The following SRGAP1 variants were observed in gnomAD, a reference collection of about 807,000 sequenced individuals.
SRGAP1 encodes SLIT-ROBO Rho GTPase activating protein 1, also known as SLIT-ROBO Rho GTPase-activating protein 1.
SRGAP1 carries 43 observed loss-of-function variants against 121.9 expected under a neutral mutation model. The ratio of observed to expected loss-of-function variants is 0.35; its 90% CI spans 0.28 to 0.46. The LOEUF is 0.46. Among genes scored for constraint, SRGAP1 ranks in the 20% least tolerant of loss-of-function variants. The pLI, the probability that SRGAP1 is intolerant of heterozygous loss-of-function variation, is 1.00. For synonymous variants in SRGAP1, 447 were observed against 485.4 expected (o/e 0.92, Z 1.04); for missense variants, 1,102 against 1,350.9 (o/e 0.82, Z 2.89).
chr12:63,898,138 C>A (rs1261250566), intron 1 of SRGAP1, among the ~76,000 whole-genome samples: 1 of 152,184 alleles, frequency 6.6e-6, no homozygotes, highest in African/African-American at 2.4e-5. Flanking sequence ...TAATGTTGGT[C>A]TTTCAAAGCA....
At chr12:64,060,136 CT>C (rs971472826) in intron 6 of SRGAP1, among the ~76,000 whole-genome samples, 4 of 148,194 alleles carry the variant, frequency 2.7e-5, no homozygotes, top group Admixed American at 6.7e-5. Context: ...TCCTGCATTT[CT>C]TTTTTTTTCT....
rs1386269728 is a variant in SRGAP1 at position 63,989,932 on chromosome 12, C to G, written c.286C>G (p.Pro96Ala). 1 of 1,610,822 alleles carries G rather than the reference C, an allele frequency of 6.2e-7. No homozygotes were observed. Among genetic ancestry groups the G allele is most frequent in the East Asian group, 2.2e-5 (1 of 44,874 alleles). Reference sequence around the variant, plus strand: ...TAGGAAAGACCAGAACCTGTTGTCTCCAGTGAACTGCTGGTATTTGCTCCT... The same window carrying G: ...TAGGAAAGACCAGAACCTGTTGTCTGCAGTGAACTGCTGGTATTTGCTCCT... The part of the protein sequence containing the change: ...QYKKDQNLLS[P>A]VNCWYLLLNQ... Residue 96 changes from proline (P) to alanine (A), a missense_variant, in exon 3 of 22, where the codon CCA (proline) becomes GCA (alanine). Pro to Ala is a conservative substitution (Grantham distance 27, BLOSUM62 -1). This residue lies in a region of SRGAP1 where 747 missense variants were observed against 929.4 expected (regional missense o/e 0.80). Coordinates refer to ENST00000355086, the MANE Select transcript of SRGAP1 (RefSeq NM_020762.4).
intron 12 of SRGAP1, among the ~76,000 whole-genome samples, chr12:64,093,266 C>A (rs1009143684): frequency 2.0e-5 from 3 of 151,826 alleles, no homozygotes; most frequent in Non-Finnish European, 4.4e-5. Context: ...TAAATTAAAT[C>A]ACATATACTC....
chr12:63,889,671 A>T (rs910092618), intron 1 of SRGAP1, among the ~76,000 whole-genome samples: 1 of 152,274 alleles, frequency 6.6e-6, no homozygotes, highest in Admixed American at 6.5e-5. Flanking sequence ...GCACTTTGGG[A>T]GGCCAAGGCA....
chr12:63,979,196 C>T (rs754358712), intron 1 of SRGAP1, among the ~76,000 whole-genome samples: 27 of 151,890 alleles, frequency 1.8e-4, no homozygotes, highest in African/African-American at 3.9e-4. Context: ...CACACCACCA[C>T]GCCCAGCTAA....
chr12:64,144,526 T>A lies in SRGAP1; in HGVS notation c.*1854T>A, dbSNP rs1003500407. On this transcript the variant is annotated 3_prime_UTR_variant, in exon 22 of 22. Transcript: ENST00000355086. ...TGATGAGATATTGTTACTTTCAGAG[T>A]CACACTGCTGATTGCTTGCCTGGGG... The A allele has an allele frequency of 2.0e-5, 3 of 152,164 alleles. No homozygotes were observed. The highest frequency in any genetic ancestry group is 2.9e-5 in the Non-Finnish European group (2 of 68,032). 9.4% of individuals were successfully genotyped at this position (152,164 alleles called of 1,614,324 possible).
At chr12:63,882,988 T>C (rs1005697374) in intron 1 of SRGAP1, among the ~76,000 whole-genome samples, 1 of 152,194 alleles carries the variant, frequency 6.6e-6, no homozygotes, top group Non-Finnish European at 1.5e-5. Context: ...TGAGGAGATA[T>C]CCAGTTACAG....
intron 1 of SRGAP1, among the ~76,000 whole-genome samples, chr12:63,945,062 C>T (rs1177765938): frequency 6.6e-6 from 1 of 152,188 alleles, no homozygotes; most frequent in East Asian, 1.9e-4. Flanking sequence ...AAGCGTCCCC[C>T]AAGCCCCAGG....
rs1046300058 is a variant in SRGAP1 at position 63,855,190 on chromosome 12, A to G, written c.67+10307A>G. On this transcript the variant is annotated intron_variant, in intron 1 of 21. Coordinates refer to ENST00000355086, the MANE Select transcript of SRGAP1 (RefSeq NM_020762.4). ...ATTACCTAGATAAATGAACTTGTCT[A>G]CTCTTTGAAACCAGATTTTAAGTAT... Among the ~76,000 whole-genome samples, 9 of 152,148 alleles carry G rather than the reference A, an allele frequency of 5.9e-5. No homozygotes were observed. The East Asian group carries it at 1.2e-3, about 20-fold the overall frequency.
chr12:64,008,527 TA>T (rs1189606328), intron 3 of SRGAP1, among the ~76,000 whole-genome samples: 6 of 152,168 alleles, frequency 3.9e-5, no homozygotes, highest in Admixed American at 1.3e-4. Flanking sequence ...TTACTTTATT[TA>T]AAAAGTATGG....
chr12:63,923,348 C>A (rs1160783382), intron 1 of SRGAP1, among the ~76,000 whole-genome samples: 1 of 152,156 alleles, frequency 6.6e-6, no homozygotes, highest in African/African-American at 2.4e-5. Flanking sequence ...GCCGTACTTA[C>A]AACATCTTTT....
At chr12:64,003,641 G>A (rs1419420647) in intron 3 of SRGAP1, among the ~76,000 whole-genome samples, 1 of 151,866 alleles carries the variant, frequency 6.6e-6, no homozygotes, top group Non-Finnish European at 1.5e-5. Flanking sequence ...GATATTACCT[G>A]GTCTGAACAA....
At chr12:64,073,559 G>A (rs1283119204) in intron 8 of SRGAP1, among the ~76,000 whole-genome samples, 2 of 151,954 alleles carry the variant, frequency 1.3e-5, no homozygotes, top group Admixed American at 1.3e-4. Context: ...ATATAAATGA[G>A]GTGGTATCTG....
At chr12:63,859,884 AACT>A (rs1485399126) in intron 1 of SRGAP1, among the ~76,000 whole-genome samples, 1 of 152,190 alleles carries the variant, frequency 6.6e-6, no homozygotes, top group Non-Finnish European at 1.5e-5. Context: ...ATTTTCCTTA[AACT>A]ACTACCTTTG....
Position 64,042,678 on chromosome 12 carries a change from C to T in SRGAP1, c.490-112C>T, listed in dbSNP as rs1050149366. 5.2e-5 allele frequency: 36 copies of T among 697,058 alleles called. No homozygotes were observed. The Admixed American group carries it at 9.9e-4, about 19-fold the overall frequency. 43.2% of individuals were successfully genotyped at this position (697,058 alleles called of 1,614,324 possible). On this transcript the variant is annotated intron_variant, in intron 4 of 21. Coordinates refer to ENST00000355086, the MANE Select transcript of SRGAP1 (RefSeq NM_020762.4). Reference sequence around the variant, plus strand: ...CTTTACTGACAATCTGACTTTTCCCCTCTGCCATTTGGAAGGTGGTATGTG... The same window carrying T: ...CTTTACTGACAATCTGACTTTTCCCTTCTGCCATTTGGAAGGTGGTATGTG...
At chr12:64,025,223 C>T (rs906086458) in intron 4 of SRGAP1, among the ~76,000 whole-genome samples, 3 of 151,632 alleles carry the variant, frequency 2.0e-5, no homozygotes, top group Middle Eastern at 3.4e-3. Context: ...CAAGCCCTTC[C>T]TTGAAAACAG....
intron 1 of SRGAP1, among the ~76,000 whole-genome samples, chr12:63,874,926 T>A (rs1282847292): frequency 6.6e-6 from 1 of 152,080 alleles, no homozygotes; most frequent in African/African-American, 2.4e-5. Flanking sequence ...TATAAAAAAA[T>A]TTTTTTTGAG....
At chr12:63,986,629 G>T (rs2033423277) in intron 2 of SRGAP1, among the ~76,000 whole-genome samples, 2 of 152,132 alleles carry the variant, frequency 1.3e-5, no homozygotes. Flanking sequence ...TGCCATGCTG[G>T]CTAGGCTGGT....
chr12:64,015,804 A>C (rs2034386847), intron 3 of SRGAP1, among the ~76,000 whole-genome samples: 1 of 152,208 alleles, frequency 6.6e-6, no homozygotes, highest in South Asian at 2.1e-4. Flanking sequence ...TGAGAGGTAC[A>C]TTCACGGACC....
Sources: allele counts gnomAD v4.1 joint callset (sites outside exome capture counted in the v4.1 genomes callset), GRCh38; gene constraint gnomAD v4.1.1; regional missense constraint gnomAD v4.1.1; transcripts MANE v1.5; gene names NCBI Gene and HGNC (gene_info 2026-07-23, HGNC 2026-07-21).